Variants in MTMR7 observed in about 807,000 individuals in gnomAD.
The protein encoded by MTMR7 is myotubularin related protein 7.
In MTMR7, 76 loss-of-function variants were observed where a neutral mutation model predicts 81.2. That is an observed-to-expected ratio of 0.94 (90% confidence interval 0.78 to 1.13). The LOEUF is 1.13. Among genes scored for constraint, MTMR7 ranks in the 50% most tolerant of loss-of-function variants. The pLI is 0.00. For missense variants in MTMR7, 1,044 were observed against 820.0 expected, an observed-to-expected ratio of 1.27 and a Z score of -3.34; for synonymous variants, 372 against 289.8, an observed-to-expected ratio of 1.28 and a Z score of -2.88.
intron 6 of MTMR7, among the ~76,000 whole-genome samples, chr8:17,336,837 G>A (rs576267848): frequency 6.6e-6 from 1 of 152,292 alleles, no homozygotes; most frequent in Admixed American, 6.5e-5. Flanking sequence ...TAACCCCACA[G>A]AGCTTCCACG....
At chr8:17,322,877 T>C (rs991738932) in intron 7 of MTMR7, among the ~76,000 whole-genome samples, 1 of 152,022 alleles carries the variant, frequency 6.6e-6, no homozygotes, top group South Asian at 2.1e-4. Flanking sequence ...ATCTGCCATA[T>C]GTAAATAATG....
rs7464802 is a variant in MTMR7 at position 17,366,835 on chromosome 8, G to A, written c.310+4202C>T. Among the ~76,000 whole-genome samples the A allele has an allele frequency of 1.4e-3, 205 of 142,930 alleles. 4 individuals are homozygous for A. The South Asian group carries it at 0.042, about 29-fold the overall frequency. 93.8% of individuals were successfully genotyped at this position (142,930 alleles called of 152,430 possible). A position where few individuals can be genotyped will look rare whatever the true frequency, so the allele number is the denominator to read the frequency against. ...TGAGAGGTGGAGCTTGCAGTGAGCCGAGATCGAGCCACTGCACTCCAGCCT... is the reference window on the plus strand; with the variant it reads ...TGAGAGGTGGAGCTTGCAGTGAGCCAAGATCGAGCCACTGCACTCCAGCCT... On this transcript the variant is annotated intron_variant, in intron 3 of 13. Transcript: ENST00000180173.
chr8:17,338,983 G>A lies in MTMR7; in HGVS notation c.732+2380C>T, dbSNP rs533031066. On this transcript the variant is annotated intron_variant, in intron 6 of 13. Transcript: ENST00000180173. ...GAGATGAGGGGACGAGTAGGGCACTGATCTCACTCTAGGAAAACATCACAT... is the reference window on the plus strand; with the variant it reads ...GAGATGAGGGGACGAGTAGGGCACTAATCTCACTCTAGGAAAACATCACAT... 3 of 152,228 alleles carry A rather than the reference G, an allele frequency of 2.0e-5. No individual in the cohort carries two copies. In the East Asian group the frequency reaches 5.8e-4, roughly 29 times the overall value. 9.4% of individuals were successfully genotyped at this position (152,228 alleles called of 1,614,324 possible).
intron 4 of MTMR7, 30 bp downstream of exon 4, chr8:17,361,087 G>C: frequency 6.2e-7 from 1 of 1,611,884 alleles, no homozygotes; most frequent in South Asian, 1.1e-5. Context: ...AATTTCATGC[G>C]GCTTCAGTGT....
chr8:17,410,006 G>C (rs539684207), intron 1 of MTMR7, among the ~76,000 whole-genome samples: 8 of 152,274 alleles, frequency 5.3e-5, no homozygotes, highest in Admixed American at 4.6e-4. Flanking sequence ...CTTACGAGCA[G>C]TTCTGAGGAT....
At chr8:17,305,983 T>C in intron 10 of MTMR7, 26 bp from the exon 11 acceptor site, 2 of 1,553,206 alleles carry the variant, frequency 1.3e-6, no homozygotes, top group South Asian at 1.2e-5. Flanking sequence ...TTAGAGACTT[T>C]TTAAGGCAGA....
chr8:17,306,478 G>T (rs1444279973), intron 10 of MTMR7, among the ~76,000 whole-genome samples: 3 of 151,886 alleles, frequency 2.0e-5, no homozygotes, highest in African/African-American at 7.3e-5. Context: ...ATTTCCATGT[G>T]ACGACAGATT....
Position 17,304,477 on chromosome 8 carries a change from C to T in MTMR7, c.1395G>A (p.Lys465=). 2 of 1,614,012 alleles carry T rather than the reference C, an allele frequency of 1.2e-6. No individual in the cohort carries two copies. The highest frequency in any genetic ancestry group is 1.7e-6 in the Non-Finnish European group (2 of 1,179,932). Reference sequence around the variant, plus strand: ...GAGGATTCAGGTAGTCGGCCCGATTCTTCCACAGGTGAGCCCATAATGAGT... The same window carrying T: ...GAGGATTCAGGTAGTCGGCCCGATTTTTCCACAGGTGAGCCCATAATGAGT... ...RTYSLWAHLW[K]NRADYLNPLF... Residue 465 remains lysine, a synonymous_variant, in exon 12 of 14, where the codon AAG becomes AAA. Transcript: ENST00000180173.
At chr8:17,326,254 C>T (rs1459554313) in intron 7 of MTMR7, 2 of 152,148 alleles carry the variant, frequency 1.3e-5, no homozygotes, top group Non-Finnish European at 2.9e-5. Flanking sequence ...TGAGCTGAAA[C>T]AGGTTTCTCA....
chr8:17,309,242 T>G, intron 10 of MTMR7, 35 bp downstream of exon 10: 1 of 1,347,428 alleles, frequency 7.4e-7, no homozygotes. Context: ...GTGCTTTTAT[T>G]CTAAACATTC....
Position 17,351,262 on chromosome 8 carries a change from T to C in MTMR7, c.469-2181A>G, listed in dbSNP as rs921225831. On this transcript the variant is annotated intron_variant, in intron 4 of 13. Coordinates refer to ENST00000180173, the MANE Select transcript of MTMR7 (RefSeq NM_004686.5). ...TTAAATAACAGTAACATGCAAGATT[T>C]GTCAACATGCTTATTTCAGACAGCC... 7.2e-5 allele frequency among the ~76,000 whole-genome samples: 11 copies of C among 152,250 alleles called. No individual in the cohort carries two copies. In the South Asian group the frequency reaches 8.3e-4, roughly 11 times the overall value.
chr8:17,369,645 T>TC (rs1262296815), intron 3 of MTMR7, among the ~76,000 whole-genome samples: 7 of 127,972 alleles, frequency 5.5e-5, no homozygotes, highest in Non-Finnish European at 1.2e-4. Flanking sequence ...TTTTTTCTTT[T>TC]TTTTTTTTTT....
At chr8:17,319,055 G>A (rs1818250468) in intron 7 of MTMR7, among the ~76,000 whole-genome samples, 1 of 152,186 alleles carries the variant, frequency 6.6e-6, no homozygotes, top group African/African-American at 2.4e-5. Context: ...GGGCCTCCTT[G>A]TTTAACTTAG....
intron 2 of MTMR7, 66 bp downstream of exon 2, chr8:17,373,052 G>A (rs1299471393): frequency 6.3e-7 from 1 of 1,579,520 alleles, no homozygotes; most frequent in African/African-American, 1.4e-5. Context: ...AAAAATGAAT[G>A]GAGGGCAAAC....
At chr8:17,365,969 T>A (rs1183547403) in intron 3 of MTMR7, among the ~76,000 whole-genome samples, 2 of 152,166 alleles carry the variant, frequency 1.3e-5, no homozygotes, top group Non-Finnish European at 2.9e-5. Flanking sequence ...GCTGATCTTA[T>A]TCTAGCACCG....
chr8:17,380,391 T>C (rs1485041264), intron 1 of MTMR7, among the ~76,000 whole-genome samples: 1 of 152,170 alleles, frequency 6.6e-6, no homozygotes, highest in Non-Finnish European at 1.5e-5. Context: ...ATAATCCCCA[T>C]TTCATAGTTC....
intron 1 of MTMR7, among the ~76,000 whole-genome samples, chr8:17,378,292 T>C (rs1387577938): frequency 6.6e-6 from 1 of 152,206 alleles, no homozygotes; most frequent in Non-Finnish European, 1.5e-5. Flanking sequence ...CAATTAAAAA[T>C]GAATTATAAA....
chr8:17,409,677 A>G (rs1156904297), intron 1 of MTMR7, among the ~76,000 whole-genome samples: 1 of 152,196 alleles, frequency 6.6e-6, no homozygotes, highest in Non-Finnish European at 1.5e-5. Context: ...TAAATTTAAC[A>G]ATTGTAATGA....
intron 1 of MTMR7, among the ~76,000 whole-genome samples, chr8:17,391,352 A>G (rs1821102913): frequency 1.3e-5 from 2 of 152,188 alleles, no homozygotes; most frequent in Admixed American, 1.3e-4. Context: ...CTTAGCTTAC[A>G]GTGATGACAT....
Sources: gnomAD v4.1 joint callset for allele counts (sites outside exome capture counted in the v4.1 genomes callset) on GRCh38, gnomAD v4.1.1 for gene constraint, MANE v1.5 for transcripts, NCBI Gene and HGNC (gene_info 2026-07-23, HGNC 2026-07-21) for gene names.